The following SPAG16 variants were observed in gnomAD, a reference collection of about 807,000 sequenced individuals.
The protein encoded by SPAG16 is sperm-associated antigen 16 protein.
Under a neutral mutation model 80.4 loss-of-function variants are expected in SPAG16, and 86 were observed. The observed-to-expected ratio is 1.07, with a 90% CI of 0.90 to 1.28. The LOEUF is 1.28. Ranked by LOEUF, SPAG16 falls within the 50% of genes most tolerant of loss-of-function variation. The pLI is 0.00. For missense variants in SPAG16, 870 were observed against 765.3 expected (o/e 1.14, Z -1.61); for synonymous variants, 294 against 265.9 (o/e 1.11, Z -1.03).
chr2:214,339,877 A>C (rs1697547146), intron 15 of SPAG16, among the ~76,000 whole-genome samples: 1 of 152,138 alleles, frequency 6.6e-6, no homozygotes, highest in Non-Finnish European at 1.5e-5. Context: ...ACACTGAGTT[A>C]ATCTAAAAGG....
chr2:214,250,831 A>G (rs1457667075), intron 15 of SPAG16, among the ~76,000 whole-genome samples: 1 of 148,812 alleles, frequency 6.7e-6, no homozygotes, highest in Non-Finnish European at 1.5e-5. Context: ...AGTTTAAACC[A>G]GAAGCACTTT....
intron 10 of SPAG16, among the ~76,000 whole-genome samples, chr2:213,654,398 T>C (rs987313181): frequency 6.6e-6 from 1 of 151,906 alleles, no homozygotes; most frequent in Admixed American, 6.6e-5. Context: ...TGTTAGCATA[T>C]TAGAAGTTGC....
At chr2:213,693,281 C>T (rs184419493) in intron 10 of SPAG16, among the ~76,000 whole-genome samples, 1 of 152,262 alleles carries the variant, frequency 6.6e-6, no homozygotes, top group East Asian at 1.9e-4. Context: ...TGCTTAGAAC[C>T]ATCAGTAGGG....
intron 10 of SPAG16, among the ~76,000 whole-genome samples, chr2:213,628,109 C>A (rs2062022997): frequency 6.6e-6 from 1 of 152,188 alleles, no homozygotes; most frequent in Non-Finnish European, 1.5e-5. Context: ...TTAACACTAG[C>A]TTGAAATTTC....
chr2:213,670,462 A>G (rs1356742772), intron 10 of SPAG16, among the ~76,000 whole-genome samples: 1 of 152,122 alleles, frequency 6.6e-6, no homozygotes, highest in East Asian at 1.9e-4. Context: ...AGTATAATCT[A>G]GAATTTAGGA....
chr2:214,133,049 G>A (rs2054860362), intron 14 of SPAG16, among the ~76,000 whole-genome samples: 1 of 151,464 alleles, frequency 6.6e-6, no homozygotes, highest in African/African-American at 2.4e-5. Flanking sequence ...CTGAGATCGT[G>A]CCACTGCACT....
At chr2:213,856,115 T>C (rs1327014568) in intron 10 of SPAG16, among the ~76,000 whole-genome samples, 2 of 152,158 alleles carry the variant, frequency 1.3e-5, no homozygotes, top group African/African-American at 4.8e-5. Flanking sequence ...AGTTGGTAAA[T>C]ATACCCATTC....
In SPAG16 at chr2:214,010,525, G is replaced by A. The variant is rs527278620; in HGVS notation, c.1401-3426G>A. On this transcript the variant is annotated intron_variant, in intron 12 of 15. Coordinates refer to ENST00000331683, the MANE Select transcript of SPAG16 (RefSeq NM_024532.5). ...GGGAAAGAAACTGTAAGGGCTCTTG[G>A]GTGTAAACAGCAAACGAACCCCAAA... Among the ~76,000 whole-genome samples the A allele has an allele frequency of 3.4e-4, 50 of 146,204 alleles. 6 individuals carry two copies. Among genetic ancestry groups the A allele is most frequent in the Non-Finnish European group, 6.5e-4 (44 of 67,216 alleles).
chr2:213,882,930 TG>T (rs1481038853), intron 11 of SPAG16, among the ~76,000 whole-genome samples: 1 of 152,224 alleles, frequency 6.6e-6, no homozygotes, highest in East Asian at 1.9e-4. Flanking sequence ...TGGAGTGCAG[TG>T]GCGCGATCTC....
intron 10 of SPAG16, among the ~76,000 whole-genome samples, chr2:213,796,792 T>G (rs988615833): frequency 6.6e-6 from 1 of 152,118 alleles, no homozygotes; most frequent in Non-Finnish European, 1.5e-5. Flanking sequence ...ACTGTATTAT[T>G]TATTATTATT....
intron 10 of SPAG16, among the ~76,000 whole-genome samples, chr2:213,652,177 T>G (rs2063048662): frequency 6.6e-6 from 1 of 152,244 alleles, no homozygotes; most frequent in South Asian, 2.1e-4. Context: ...TGCCTAGTTT[T>G]TTCTTGTGTA....
intron 15 of SPAG16, among the ~76,000 whole-genome samples, chr2:214,158,911 A>G (rs2056326380): frequency 6.6e-6 from 1 of 152,036 alleles, no homozygotes; most frequent in Non-Finnish European, 1.5e-5. Context: ...GATGAATTCT[A>G]AATTAGTGTA....
At chr2:213,725,980 A>T (rs77791724) in intron 10 of SPAG16, among the ~76,000 whole-genome samples, 2,065 of 152,164 alleles carry the variant, frequency 0.014, 81 homozygotes, top group East Asian at 0.072. Context: ...GTCAAGAGAG[A>T]TCTCTTTTTC....
chr2:213,286,451 C>G (rs1041372453), intron 1 of SPAG16, among the ~76,000 whole-genome samples: 1 of 152,142 alleles, frequency 6.6e-6, no homozygotes, highest in Admixed American at 6.5e-5. Flanking sequence ...TCCTGTATCC[C>G]TGGGCACTCT....
At chr2:214,035,725 G>C (rs1575912729) in intron 13 of SPAG16, among the ~76,000 whole-genome samples, 1 of 152,210 alleles carries the variant, frequency 6.6e-6, no homozygotes, top group South Asian at 2.1e-4. Context: ...GCCATGGCTT[G>C]GGTGGCTGTA....
At chr2:213,759,411 C>A (rs62192706) in intron 10 of SPAG16, among the ~76,000 whole-genome samples, 1 of 151,582 alleles carries the variant, frequency 6.6e-6, no homozygotes, top group Non-Finnish European at 1.5e-5. Context: ...ATTTAAGAGA[C>A]TAATGAATTT....
chr2:213,332,698 A>G, intron 5 of SPAG16, among the ~76,000 whole-genome samples: 1 of 152,204 alleles, frequency 6.6e-6, no homozygotes, highest in Non-Finnish European at 1.5e-5. Flanking sequence ...GAATTATTCC[A>G]GGGATGCAAG....
intron 5 of SPAG16, among the ~76,000 whole-genome samples, chr2:213,331,828 A>G (rs961767470): frequency 4.6e-5 from 7 of 152,330 alleles, no homozygotes; most frequent in African/African-American, 1.7e-4. Context: ...AATTTCTTGG[A>G]ACAAATGATA....
intron 11 of SPAG16, among the ~76,000 whole-genome samples, chr2:213,866,041 A>T (rs2105963579): frequency 6.6e-6 from 1 of 151,536 alleles, no homozygotes; most frequent in African/African-American, 2.4e-5. Flanking sequence ...CTAGATTAAA[A>T]ACTGTTGAAG....
Sources: allele counts gnomAD v4.1 joint callset (sites outside exome capture counted in the v4.1 genomes callset), GRCh38; gene constraint gnomAD v4.1.1; transcripts MANE v1.5; gene names NCBI Gene and HGNC (gene_info 2026-07-23, HGNC 2026-07-21).